GTF3C4: variants seen among roughly 807,000 people sequenced by gnomAD.
GTF3C4 encodes general transcription factor IIIC subunit 4.
A neutral mutation model predicts 67.5 loss-of-function variants in GTF3C4; 28 were observed. That is an observed-to-expected ratio of 0.41 (90% CI 0.31 to 0.57). The LOEUF is 0.57. GTF3C4 is among the 20% of genes least tolerant of loss of function. The pLI, the probability that GTF3C4 is intolerant of heterozygous loss-of-function variation, is 0.21. For synonymous variants in GTF3C4, 409 were observed against 393.0 expected, an observed-to-expected ratio of 1.04 and a Z score of -0.48; for missense variants, 831 against 1,033.2, an observed-to-expected ratio of 0.80 and a Z score of 2.68.
chr9:132,674,581 A>G (rs1835837676), intron 1 of GTF3C4, among the ~76,000 whole-genome samples: 2 of 152,132 alleles, frequency 1.3e-5, no homozygotes. Context: ...AGTAGCTTTT[A>G]TTTGTAGCAA....
intron 1 of GTF3C4, among the ~76,000 whole-genome samples, chr9:132,675,104 G>A (rs1835845064): frequency 1.3e-5 from 2 of 152,090 alleles, no homozygotes; most frequent in Non-Finnish European, 2.9e-5. Context: ...CTTAATATAT[G>A]CTTTGATATA....
upstream of GTF3C4, chr9:132,670,124 G>A (rs1277491522): frequency 6.3e-7 from 1 of 1,581,056 alleles, no homozygotes. Context: ...CAAGACTACC[G>A]CGCGTGCCCC....
chr9:132,685,515 C>CT (rs879535001), intron 3 of GTF3C4, among the ~76,000 whole-genome samples: 2,312 of 142,836 alleles, frequency 0.016, 28 homozygotes, highest in Non-Finnish European at 0.023. Flanking sequence ...CATTCCTACA[C>CT]TTTTTTTTTT....
intron 1 of GTF3C4, among the ~76,000 whole-genome samples, chr9:132,671,685 C>G (rs905048636): frequency 1.1e-4 from 16 of 151,242 alleles, no homozygotes; most frequent in African/African-American, 2.9e-4. Context: ...TTCCATATAT[C>G]CTTGATAGAG....
chr9:132,686,376 T>C (rs1428914169), intron 3 of GTF3C4, among the ~76,000 whole-genome samples: 1 of 152,204 alleles, frequency 6.6e-6, no homozygotes, highest in Non-Finnish European at 1.5e-5. Flanking sequence ...TCTTTCTTCC[T>C]AGATATTCAG....
At chr9:132,688,724 C>T (rs866894686) in intron 4 of GTF3C4, among the ~76,000 whole-genome samples, 157 bp from the exon 5 acceptor site, 2 of 152,140 alleles carry the variant, frequency 1.3e-5, no homozygotes, top group South Asian at 2.1e-4. Context: ...GAAACCGAAG[C>T]CCAAAGAAGT....
intron 1 of GTF3C4, among the ~76,000 whole-genome samples, chr9:132,672,510 A>G (rs1167373963): frequency 6.7e-6 from 1 of 148,660 alleles, no homozygotes; most frequent in Non-Finnish European, 1.5e-5. Context: ...AACATAATTA[A>G]TTATTGTTTG....
Position 132,687,304 on chromosome 9 carries a change from T to C in GTF3C4, c.2381T>C (p.Ile794Thr). The change falls in exon 4 of 5, where the codon ATT (isoleucine) becomes ACT (threonine). Residue 794 changes from isoleucine (I) to threonine (T), a missense_variant. Around this residue, in one of 4 missense-constraint regions of GTF3C4, gnomAD observed 129 missense variants for 213.8 expected, o/e 0.60. Transcript: ENST00000372146. ...IYRRCLLHDS[I>T]ARHPAPEDPD... ...AGAAGGTGTTTGCTCCATGACAGCA[T>C]TGCCCGGCATCCAGCTCCAGAAGGT... The C allele has an allele frequency of 7.4e-7, 1 of 1,352,128 alleles. No individual in the cohort carries two copies. Among genetic ancestry groups the C allele is most frequent in the Non-Finnish European group, 9.9e-7 (1 of 1,014,094 alleles). 83.8% of individuals were successfully genotyped at this position (1,352,128 alleles called of 1,614,324 possible).
rs1485741709 is a variant in GTF3C4 at position 132,678,562 on chromosome 9, G to A, written c.943G>A (p.Val315Ile). ...TIESGITSPSVLFWWEYEHNN... is the reference protein window; with the variant it reads ...TIESGITSPSILFWWEYEHNN... ...TGAGTCAGGAATCACCTCTCCCAGTGTATTGTTTTGGTGGGAATATGAGCA... is the reference window on the plus strand; with the variant it reads ...TGAGTCAGGAATCACCTCTCCCAGTATATTGTTTTGGTGGGAATATGAGCA... The change falls in exon 2 of 5, where the codon GTA becomes ATA. Residue 315 changes from valine (V) to isoleucine (I), a missense_variant. Physicochemically the swap from Val to Ile is conservative, Grantham distance 29 (BLOSUM62 3). Around this residue, in one of 4 missense-constraint regions of GTF3C4, gnomAD observed 390 missense variants for 540.3 expected, o/e 0.72. Coordinates refer to ENST00000372146, the MANE Select transcript of GTF3C4 (RefSeq NM_012204.4). The surrounding 1 kb of genome is among the most constrained non-coding windows in gnomAD (Gnocchi z 6.5). The A allele has an allele frequency of 6.2e-7, 1 of 1,614,166 alleles. No individual in the cohort carries two copies. Among genetic ancestry groups the A allele is most frequent in the Non-Finnish European group, 8.5e-7 (1 of 1,180,006 alleles).
Position 132,670,714 on chromosome 9 carries a change from C to A in GTF3C4, c.116C>A (p.Ala39Glu). The A allele has an allele frequency of 6.6e-7, 1 of 1,525,058 alleles. No homozygotes were observed. The highest frequency in any genetic ancestry group is 8.7e-7 in the Non-Finnish European group (1 of 1,143,002). 94.5% of individuals were successfully genotyped at this position (1,525,058 alleles called of 1,614,324 possible). A position where few individuals can be genotyped will look rare whatever the true frequency, so the allele number is the denominator to read the frequency against. Residue 39 changes from alanine to glutamate, a missense_variant, in exon 1 of 5, where the codon GCG becomes GAG. Ala to Glu is a moderately radical substitution (Grantham distance 107, BLOSUM62 -1). Coordinates refer to ENST00000372146, the MANE Select transcript of GTF3C4 (RefSeq NM_012204.4). Reference sequence around the variant, plus strand: ...GGCGGGAAGGAGCCAGCAGCGGACGCGGCCCCGGGGCCCAGCGCTGCATTC... The same window carrying A: ...GGCGGGAAGGAGCCAGCAGCGGACGAGGCCCCGGGGCCCAGCGCTGCATTC... ...EAGGKEPAAD[A>E]APGPSAAFRL...
chr9:132,674,425 CT>C (rs1229212638), intron 1 of GTF3C4, among the ~76,000 whole-genome samples: 2 of 152,166 alleles, frequency 1.3e-5, no homozygotes, highest in Non-Finnish European at 2.9e-5. Context: ...AACCCTAAGA[CT>C]TTTTCCTACC....
chr9:132,683,778 T>C (rs1296600939), intron 3 of GTF3C4, 85 bp downstream of exon 3: 1 of 1,280,378 alleles, frequency 7.8e-7, no homozygotes, highest in African/African-American at 1.5e-5. Flanking sequence ...ATAGCAACTT[T>C]ATGCCAGTTA....
intron 1 of GTF3C4, among the ~76,000 whole-genome samples, chr9:132,671,334 C>G (rs1835751618): frequency 6.6e-6 from 1 of 152,142 alleles, no homozygotes; most frequent in Non-Finnish European, 1.5e-5. Flanking sequence ...TCTGTCGTTG[C>G]TGCTATTGTT....
At chr9:132,671,195 C>T (rs1187259476) in intron 1 of GTF3C4, among the ~76,000 whole-genome samples, 1 of 152,198 alleles carries the variant, frequency 6.6e-6, no homozygotes, top group East Asian at 1.9e-4. Context: ...GGTACACACC[C>T]AGGGGGCTTC....
upstream of GTF3C4, chr9:132,670,224 C>T (rs911724521): frequency 2.6e-6 from 4 of 1,539,816 alleles, no homozygotes; most frequent in South Asian, 2.4e-5. Context: ...CTCTGAATGC[C>T]TCTGAGAAGC....
rs1006190583 is a variant in GTF3C4 at position 132,693,163 on chromosome 9, A to G, written c.*4218A>G. ...TTGTTAGCCAGTCCATGTCTCATTGATAGGATGTAGCCTGCCATCTGCATA... is the reference window on the plus strand; with the variant it reads ...TTGTTAGCCAGTCCATGTCTCATTGGTAGGATGTAGCCTGCCATCTGCATA... On this transcript the variant is annotated 3_prime_UTR_variant, in exon 5 of 5. Transcript: ENST00000372146. 6.6e-6 allele frequency: 1 copy of G among 152,184 alleles called. No homozygotes were observed. The highest frequency in any genetic ancestry group is 2.4e-5 in the African/African-American group (1 of 41,426). The allele number at this position is 152,184 out of a possible 1,614,324, so 9.4% of individuals were successfully genotyped here. A position where few individuals can be genotyped will look rare whatever the true frequency, so the allele number is the denominator to read the frequency against.
chr9:132,670,968 C>CAGGGATGGCGGGGGATGA lies in GTF3C4; in HGVS notation c.357+13_357+14insAGGGATGGCGGGGGATGA. ...CTGTCTCCTCAAAGTAAGTCATCCC[C>CAGGGATGGCGGGGGATGA]CGCCATCCCTGGGGTCTTCCCCTGT... On this transcript the variant is annotated intron_variant, in intron 1 of 4. Transcript: ENST00000372146. 6.4e-7 allele frequency: 1 copy of CAGGGATGGCGGGGGATGA among 1,571,578 alleles called. No homozygotes were observed. Among genetic ancestry groups the CAGGGATGGCGGGGGATGA allele is most frequent in the Non-Finnish European group, 8.7e-7 (1 of 1,143,236 alleles).
chr9:132,692,330 A>T lies in GTF3C4; in HGVS notation c.*3385A>T, dbSNP rs1836130517. 6.6e-6 allele frequency: 1 copy of T among 152,192 alleles called. No individual in the cohort carries two copies. Among genetic ancestry groups the T allele is most frequent in the Non-Finnish European group, 1.5e-5 (1 of 68,044 alleles). The allele number at this position is 152,192 out of a possible 1,614,324, so 9.4% of individuals were successfully genotyped here. ...AAACTATTGGTAATATTTCTTTCTA[A>T]AGGTAATAGTATTAATTGTATCTGG... On this transcript the variant is annotated 3_prime_UTR_variant, in exon 5 of 5. Transcript: ENST00000372146.
chr9:132,677,611 T>C (rs1032034328), intron 1 of GTF3C4, among the ~76,000 whole-genome samples: 2 of 152,218 alleles, frequency 1.3e-5, no homozygotes, highest in East Asian at 1.9e-4. Context: ...CATTATTCTA[T>C]AGAAACAGTA....
Sources: allele counts gnomAD v4.1 joint callset (sites outside exome capture counted in the v4.1 genomes callset), GRCh38; gene constraint gnomAD v4.1.1; regional missense constraint gnomAD v4.1.1; non-coding constraint Gnocchi (gnomAD v3.1); transcripts MANE v1.5; gene names NCBI Gene and HGNC (gene_info 2026-07-23, HGNC 2026-07-21).